Variants in NAA40 observed in about 807,000 individuals in gnomAD.
NAA40 encodes N-alpha-acetyltransferase 40, NatD catalytic subunit.
A neutral mutation model predicts 36.6 loss-of-function variants in NAA40; 26 were observed. That is an observed-to-expected ratio of 0.71 (90% CI 0.52 to 0.98). NAA40 has a LOEUF of 0.98. NAA40 is among the 50% of genes least tolerant of loss of function. NAA40 has a pLI of 0.00. For missense variants in NAA40, 237 were observed against 306.5 expected (o/e 0.77, Z 1.69); for synonymous variants, 129 against 108.4 (o/e 1.19, Z -1.18).
At chr11:63,939,296 C>A (rs556151763) in intron 1 of NAA40, 194 bp downstream of exon 1, 2 of 1,269,594 alleles carry the variant, frequency 1.6e-6, no homozygotes, top group Non-Finnish European at 2.0e-6. Flanking sequence ...CTCTGGAGAG[C>A]CCCTGGTCCG....
chr11:63,946,018 G>A lies in NAA40; in HGVS notation c.102+83G>A, dbSNP rs1590752774. On this transcript the variant is annotated intron_variant, in intron 2 of 7. Coordinates refer to ENST00000377793, the MANE Select transcript of NAA40 (RefSeq NM_024771.4). Reference sequence around the variant, plus strand: ...TTGACTTATTTTGTCTCCACCCTGTGGCAGAATTGTGACACTACCCACCCA... The same window carrying A: ...TTGACTTATTTTGTCTCCACCCTGTAGCAGAATTGTGACACTACCCACCCA... 3.1e-6 allele frequency: 4 copies of A among 1,298,736 alleles called. No individual in the cohort carries two copies. The East Asian group carries it at 7.1e-5, about 23-fold the overall frequency. 80.5% of individuals were successfully genotyped at this position (1,298,736 alleles called of 1,614,324 possible).
Position 63,957,212 on chromosome 11 carries a change from A to ATATATATATATATT in NAA40, c.*2734_*2735insATATATATATATTT, listed in dbSNP as rs1278673521. 1 of 64,300 alleles carries ATATATATATATATT rather than the reference A, an allele frequency of 1.6e-5. No individual in the cohort carries two copies. The highest frequency in any genetic ancestry group is 4.2e-5 in the African/African-American group (1 of 23,942). 4.0% of individuals were successfully genotyped at this position (64,300 alleles called of 1,614,324 possible). A position where few individuals can be genotyped will look rare whatever the true frequency, so the allele number is the denominator to read the frequency against. ...CCTTGATATATATATATATATATATATTTTTTTTTTTCTTTAGCAGCTTGT... is the reference window on the plus strand; with the variant it reads ...CCTTGATATATATATATATATATATATATATATATATATTTTTTTTTTTTTCTTTAGCAGCTTGT... On this transcript the variant is annotated 3_prime_UTR_variant, in exon 8 of 8. Coordinates refer to ENST00000377793, the MANE Select transcript of NAA40 (RefSeq NM_024771.4).
chr11:63,954,602 G>A lies in NAA40; in HGVS notation c.*123G>A, dbSNP rs1026727684. On this transcript the variant is annotated 3_prime_UTR_variant, in exon 8 of 8. Transcript: ENST00000377793. ...CCCAGCCCTGCACGTGCCAGGCTGC[G>A]CCCTGAGAGCACAGAACCCTGGGGA... 21 of 1,139,370 alleles carry A rather than the reference G, an allele frequency of 1.8e-5. No homozygotes were observed. Among genetic ancestry groups the A allele is most frequent in the Admixed American group, 9.4e-5 (3 of 31,962 alleles). The allele number at this position is 1,139,370 out of a possible 1,614,324, so 70.6% of individuals were successfully genotyped here.
chr11:63,942,142 G>A lies in NAA40; in HGVS notation c.6+3040G>A, dbSNP rs79380603. Reference sequence around the variant, plus strand: ...CTGGGTGAACATAGCCAGATAAAGCGGATCTACCCTCACCTCATGGGGAGA... The same window carrying A: ...CTGGGTGAACATAGCCAGATAAAGCAGATCTACCCTCACCTCATGGGGAGA... On this transcript the variant is annotated intron_variant, in intron 1 of 7. Transcript: ENST00000377793. 1.5e-3 allele frequency among the ~76,000 whole-genome samples: 231 copies of A among 152,070 alleles called. 6 individuals are homozygous for A. In the East Asian group the frequency reaches 0.039, roughly 26 times the overall value.
chr11:63,955,025 G>T lies in NAA40; in HGVS notation c.*546G>T, dbSNP rs570156318. The stretch of plus-strand genomic sequence containing the variant: ...AGACTGGGAAGATCTTTTGTGCCAA[G>T]ATGCAGGGAAATGAAGAAAGCTCTT... On this transcript the variant is annotated 3_prime_UTR_variant, in exon 8 of 8. Transcript: ENST00000377793. 6.5e-6 allele frequency: 1 copy of T among 152,780 alleles called. No individual in the cohort carries two copies. Among genetic ancestry groups the T allele is most frequent in the East Asian group, 1.9e-4 (1 of 5,178 alleles). 9.5% of individuals were successfully genotyped at this position (152,780 alleles called of 1,614,324 possible).
intron 3 of NAA40, 83 bp downstream of exon 3, chr11:63,947,086 C>T: frequency 7.3e-7 from 1 of 1,370,798 alleles, no homozygotes; most frequent in Non-Finnish European, 1.0e-6. Flanking sequence ...TCCTCAGACA[C>T]AAATTTTCTC....
At chr11:63,945,075 G>A (rs1028908280) in intron 1 of NAA40, among the ~76,000 whole-genome samples, 1 of 152,118 alleles carries the variant, frequency 6.6e-6, no homozygotes. Flanking sequence ...AAGCAGCTGT[G>A]GGCAATTTGC....
chr11:63,939,633 C>A, intron 1 of NAA40: 1 of 275,218 alleles, frequency 3.6e-6, no homozygotes, highest in Non-Finnish European at 5.5e-6. Context: ...GGTTCCCCTA[C>A]ACTCTTTCGA....
Position 63,952,431 on chromosome 11 carries a change from G to A in NAA40, c.276G>A (p.Trp92Ter). 1 of 1,614,200 alleles carries A rather than the reference G, an allele frequency of 6.2e-7. No individual in the cohort carries two copies. ...QTMYEQSEWGWKDREKREEMT... is the reference protein window; with the variant it reads ...QTMYEQSEWG ...GGTATGAGCAGAGCGAGTGGGGCTG[G>A]AAGGACCGAGAGAAACGGGAGGAAA... Residue 92 changes from tryptophan to a stop codon, truncating the protein, a stop_gained, in exon 5 of 8, where the codon TGG becomes TGA. Coordinates refer to ENST00000377793, the MANE Select transcript of NAA40 (RefSeq NM_024771.4). LOFTEE classifies it high-confidence loss of function.
chr11:63,939,343 GC>G, intron 1 of NAA40: 1 of 1,193,438 alleles, frequency 8.4e-7, no homozygotes, highest in Non-Finnish European at 1.0e-6. Context: ...CGTCACGCCC[GC>G]CCCTTCCTGC....
At position 63,956,142 on chromosome 11, in the gene NAA40, TC is replaced by T. The variant is rs1942362067; in HGVS notation, c.*1665del. 1.3e-5 allele frequency: 2 copies of T among 152,692 alleles called. No individual in the cohort carries two copies. Among genetic ancestry groups the T allele is most frequent in the Admixed American group, 1.3e-4 (2 of 15,284 alleles). 9.5% of individuals were successfully genotyped at this position (152,692 alleles called of 1,614,324 possible). A position where few individuals can be genotyped will look rare whatever the true frequency, so the allele number is the denominator to read the frequency against. On this transcript the variant is annotated 3_prime_UTR_variant, in exon 8 of 8. Transcript: ENST00000377793. The stretch of plus-strand genomic sequence containing the variant: ...GATGGGCAGCAGTGGGACTGGGAAC[TC>T]CTTAGAGAGGGCCTTGCAGCTTTAC...
At chr11:63,954,274 T>G in intron 7 of NAA40, 64 bp from the exon 8 acceptor site, 1 of 1,532,952 alleles carries the variant, frequency 6.5e-7, no homozygotes, top group Non-Finnish European at 8.8e-7. Flanking sequence ...AGAAGAGTTC[T>G]CGGGCCAGGG....
chr11:63,943,408 T>C (rs1942137731), intron 1 of NAA40, among the ~76,000 whole-genome samples: 1 of 152,202 alleles, frequency 6.6e-6, no homozygotes, highest in Admixed American at 6.5e-5. Context: ...GCTGAGGGCT[T>C]CTGAAGCCCA....
intron 3 of NAA40, among the ~76,000 whole-genome samples, chr11:63,951,716 G>A (rs1156614833): frequency 6.6e-6 from 1 of 152,116 alleles, no homozygotes; most frequent in Non-Finnish European, 1.5e-5. Flanking sequence ...GGGCGGGGTG[G>A]GGCGTGTTGA....
chr11:63,942,116 A>G (rs977232941), intron 1 of NAA40, among the ~76,000 whole-genome samples: 2 of 152,166 alleles, frequency 1.3e-5, no homozygotes, highest in African/African-American at 2.4e-5. Context: ...TTTGGTGAGC[A>G]CTGGGTGAAC....
chr11:63,941,742 C>T (rs572396342), intron 1 of NAA40, among the ~76,000 whole-genome samples: 34 of 152,132 alleles, frequency 2.2e-4, no homozygotes, highest in South Asian at 6.2e-4. Context: ...TTAGTAGAGA[C>T]GGGGTTTCAC....
intron 1 of NAA40, 39 bp downstream of exon 1, chr11:63,939,141 C>T (rs1942064361): frequency 3.8e-6 from 6 of 1,576,998 alleles, no homozygotes; most frequent in Non-Finnish European, 5.2e-6. Context: ...GGTCCAGGGG[C>T]GCTCCTCGCT....
In NAA40 at chr11:63,955,434, G is replaced by A. The variant is rs192984289; in HGVS notation, c.*955G>A. The A allele has an allele frequency of 6.5e-6, 1 of 152,810 alleles. No individual in the cohort carries two copies. The highest frequency in any genetic ancestry group is 2.4e-5 in the African/African-American group (1 of 41,576). 9.5% of individuals were successfully genotyped at this position (152,810 alleles called of 1,614,324 possible). A position where few individuals can be genotyped will look rare whatever the true frequency, so the allele number is the denominator to read the frequency against. ...CCCAGAAGGACTTCTCGTTCCTCATGTAGTTAACTCCATTGATTTTCCTAT... is the reference window on the plus strand; with the variant it reads ...CCCAGAAGGACTTCTCGTTCCTCATATAGTTAACTCCATTGATTTTCCTAT... On this transcript the variant is annotated 3_prime_UTR_variant, in exon 8 of 8. Transcript: ENST00000377793.
intron 2 of NAA40, 168 bp from the exon 3 acceptor site, chr11:63,946,783 C>T (rs1422227092): frequency 6.5e-7 from 1 of 1,542,452 alleles, no homozygotes; most frequent in Non-Finnish European, 8.7e-7. Context: ...GCACATGTGA[C>T]TTCAGAGCTA....
Sources: allele counts gnomAD v4.1 joint callset (sites outside exome capture counted in the v4.1 genomes callset), GRCh38; gene constraint gnomAD v4.1.1; transcripts MANE v1.5; gene names NCBI Gene and HGNC (gene_info 2026-07-23, HGNC 2026-07-21).